Variants in SLC26A4 observed in about 807,000 individuals in gnomAD.
SLC26A4 encodes solute carrier family 26 member 4, also known as pendrin.
In SLC26A4, 93 loss-of-function variants were observed where a neutral mutation model predicts 90.4. The observed-to-expected ratio is 1.03, with a 90% confidence interval of 0.87 to 1.22. The LOEUF (loss-of-function observed/expected upper bound fraction) is 1.22. SLC26A4 is among the 50% of genes most tolerant of loss of function. The pLI is 0.00. For synonymous variants in SLC26A4, 393 were observed against 354.6 expected (o/e 1.11, Z -1.22); for missense variants, 1,127 against 946.2 (o/e 1.19, Z -2.51).
intron 20 of SLC26A4, 105 bp from the exon 21 acceptor site, chr7:107,715,318 A>G: frequency 3.5e-6 from 3 of 859,168 alleles, no homozygotes. Context: ...TAAGATGAGT[A>G]GCAGTAAGCA....
At position 107,663,316 on chromosome 7, in the gene SLC26A4, T is replaced by C. The variant is rs1241181538; in HGVS notation, c.185T>C (p.Phe62Ser). Residue 62 changes from phenylalanine (F) to serine (S), a missense_variant, in exon 3 of 21, where the codon TTT becomes TCT. Transcript: ENST00000644269. ...KCCSCSRKRAFGVLKTLVPIL... is the reference protein window; with the variant it reads ...KCCSCSRKRASGVLKTLVPIL... ...GACAGTTGTTCAAGAAAGAGAGCCT[T>C]TGGTGTGCTAAAGACTCTTGTGCCC... 1 of 1,614,194 alleles carries C rather than the reference T, an allele frequency of 6.2e-7. No individual in the cohort carries two copies. The highest frequency in any genetic ancestry group is 8.5e-7 in the Non-Finnish European group (1 of 1,180,026).
intron 8 of SLC26A4, among the ~76,000 whole-genome samples, chr7:107,686,052 C>G (rs1353791010): frequency 6.7e-6 from 1 of 150,196 alleles, no homozygotes; most frequent in African/African-American, 2.5e-5. Flanking sequence ...AACAGAGTCT[C>G]ACTCTGTCAC....
chr7:107,686,467 CTTCT>C (rs1791423741), intron 8 of SLC26A4, among the ~76,000 whole-genome samples: 3 of 33,640 alleles, frequency 8.9e-5, no homozygotes, highest in African/African-American at 2.9e-4. Flanking sequence ...TCTTTCTTTC[CTTCT>C]TTCTTTCTTT....
chr7:107,705,846 A>G (rs1792024182), intron 18 of SLC26A4, among the ~76,000 whole-genome samples: 1 of 152,160 alleles, frequency 6.6e-6, no homozygotes, highest in Admixed American at 6.5e-5. Flanking sequence ...TTTGGTTTGT[A>G]GTTTTATTGT....
At chr7:107,665,166 T>A (rs1236576652) in intron 3 of SLC26A4, among the ~76,000 whole-genome samples, 2 of 152,088 alleles carry the variant, frequency 1.3e-5, no homozygotes, top group Non-Finnish European at 2.9e-5. Flanking sequence ...TGCCAAGTGA[T>A]GGGAAGTAGG....
intron 18 of SLC26A4, among the ~76,000 whole-genome samples, chr7:107,707,171 CT>C (rs1792057123): frequency 6.6e-6 from 1 of 152,122 alleles, no homozygotes; most frequent in African/African-American, 2.4e-5. Context: ...AACCAAGTGG[CT>C]GTAAACTGCA....
At position 107,702,043 on chromosome 7, in the gene SLC26A4, A is replaced by G. The variant is rs762252639; in HGVS notation, c.2020A>G (p.Arg674Gly). 1.9e-6 allele frequency: 3 copies of G among 1,610,434 alleles called. No homozygotes were observed. The East Asian group carries it at 6.7e-5, about 36-fold the overall frequency. The change falls in exon 17 of 21, where the codon AGA (arginine) becomes GGA (glycine). Residue 674 changes from arginine (R) to glycine (G), a missense_variant. Physicochemically the swap from Arg to Gly is moderately radical, Grantham distance 125 (BLOSUM62 -2). Coordinates refer to ENST00000644269, the MANE Select transcript of SLC26A4 (RefSeq NM_000441.2). ...ATCTTTCCTGGACGTTGTTGGAGTG[A>G]GATCACTGCGGGTGGTAAGGTTCTG... is the stretch of plus-strand genomic sequence containing the variant. The part of the protein sequence containing the change: ...AISFLDVVGV[R>G]SLRVIVKEFQ...
At chr7:107,668,462 T>C (rs1584300276) in intron 3 of SLC26A4, among the ~76,000 whole-genome samples, 1 of 152,194 alleles carries the variant, frequency 6.6e-6, no homozygotes, top group African/African-American at 2.4e-5. Context: ...GAGGTGGTGG[T>C]GTGGTTTCCA....
At chr7:107,706,352 G>A (rs1282079233) in intron 18 of SLC26A4, among the ~76,000 whole-genome samples, 1 of 152,182 alleles carries the variant, frequency 6.6e-6, no homozygotes, top group Non-Finnish European at 1.5e-5. Context: ...GGAGGCTGAG[G>A]TGAGAGGATT....
At chr7:107,710,365 C>G (rs991489232) in intron 19 of SLC26A4, among the ~76,000 whole-genome samples, 166 bp downstream of exon 19, 1 of 152,138 alleles carries the variant, frequency 6.6e-6, no homozygotes, top group African/African-American at 2.4e-5. Context: ...AAACATTAAC[C>G]TTGCTAGGTA....
intron 3 of SLC26A4, among the ~76,000 whole-genome samples, chr7:107,666,862 C>A (rs1790729997): frequency 6.6e-6 from 1 of 152,136 alleles, no homozygotes; most frequent in Non-Finnish European, 1.5e-5. Context: ...TCACCCTATT[C>A]CTGGCCCTGT....
chr7:107,662,046 G>T (rs913379610), intron 2 of SLC26A4: 14 of 576,080 alleles, frequency 2.4e-5, no homozygotes, highest in Non-Finnish European at 4.3e-5. Flanking sequence ...CCTTTGGGGA[G>T]AGTGGGTTCT....
At chr7:107,678,344 C>T (rs937206316) in intron 6 of SLC26A4, among the ~76,000 whole-genome samples, 2 of 152,202 alleles carry the variant, frequency 1.3e-5, no homozygotes, top group African/African-American at 4.8e-5. Flanking sequence ...AGTATTCTCA[C>T]CTCACTGGGC....
chr7:107,693,267 T>C (rs1240285514), intron 10 of SLC26A4: 6 of 984,080 alleles, frequency 6.1e-6, no homozygotes, highest in Non-Finnish European at 3.6e-6. Context: ...AGGATGGGGA[T>C]AGGAAGAGCA....
chr7:107,691,142 CAT>C (rs1491050218), intron 10 of SLC26A4, among the ~76,000 whole-genome samples: 19 of 135,042 alleles, frequency 1.4e-4, no homozygotes, highest in African/African-American at 1.6e-4. Context: ...CACACACACA[CAT>C]GCACACACAC....
intron 6 of SLC26A4, among the ~76,000 whole-genome samples, chr7:107,676,011 A>C (rs1791015632): frequency 6.6e-6 from 1 of 152,250 alleles, no homozygotes; most frequent in Non-Finnish European, 1.5e-5. Context: ...CTGGAATGTA[A>C]CAGACTTGAT....
At chr7:107,663,924 C>A (rs1015450001) in intron 3 of SLC26A4, among the ~76,000 whole-genome samples, 2 of 152,186 alleles carry the variant, frequency 1.3e-5, no homozygotes, top group African/African-American at 4.8e-5. Flanking sequence ...ACCTCGTGAT[C>A]CGCCTGCCTT....
chr7:107,662,333 T>C (rs554069525), intron 2 of SLC26A4, among the ~76,000 whole-genome samples: 1 of 152,108 alleles, frequency 6.6e-6, no homozygotes, highest in Admixed American at 6.5e-5. Flanking sequence ...CCTCAGTCTC[T>C]AAACCCAAAC....
chr7:107,675,900 C>G (rs1791013228), intron 6 of SLC26A4, among the ~76,000 whole-genome samples: 1 of 152,130 alleles, frequency 6.6e-6, no homozygotes, highest in South Asian at 2.1e-4. Flanking sequence ...TCTATGCATA[C>G]TTTGGGAGCC....
Sources: gnomAD v4.1 joint callset for allele counts (sites outside exome capture counted in the v4.1 genomes callset) on GRCh38, gnomAD v4.1.1 for gene constraint, MANE v1.5 for transcripts, NCBI Gene and HGNC (gene_info 2026-07-23, HGNC 2026-07-21) for gene names.